Variants in TESK2 observed in about 807,000 individuals in gnomAD.
TESK2 encodes the protein testis associated actin remodelling kinase 2.
Under a neutral mutation model 57.1 loss-of-function variants are expected in TESK2, and 39 were observed. That is an observed-to-expected ratio of 0.68 (90% CI 0.53 to 0.89). The LOEUF is 0.89. Ranked by LOEUF, TESK2 falls within the 40% of genes least tolerant of loss-of-function variation. The pLI, the probability that TESK2 is intolerant of heterozygous loss-of-function variation, is 0.00. For synonymous variants in TESK2, 249 were observed against 267.9 expected (o/e 0.93, Z 0.69); for missense variants, 646 against 732.1 (o/e 0.88, Z 1.36).
intron 2 of TESK2, among the ~76,000 whole-genome samples, chr1:45,443,820 G>A (rs1161667190): frequency 6.6e-6 from 1 of 151,978 alleles, no homozygotes; most frequent in Non-Finnish European, 1.5e-5. Context: ...TCACCTACCG[G>A]TGCACTACAG....
chr1:45,387,337 G>T (rs1648945109), intron 3 of TESK2, among the ~76,000 whole-genome samples: 1 of 151,856 alleles, frequency 6.6e-6, no homozygotes, highest in Non-Finnish European at 1.5e-5. Context: ...CAACCAACAG[G>T]TTATATTTAT....
At chr1:45,387,223 T>C (rs1355100141) in intron 3 of TESK2, among the ~76,000 whole-genome samples, 2 of 152,178 alleles carry the variant, frequency 1.3e-5, no homozygotes, top group African/African-American at 4.8e-5. Flanking sequence ...ATAAACTTGA[T>C]GCTGGTTTCA....
chr1:45,391,742 CTT>C (rs1476627585), intron 3 of TESK2, among the ~76,000 whole-genome samples: 1 of 152,078 alleles, frequency 6.6e-6, no homozygotes. Flanking sequence ...GCATTAATCT[CTT>C]CTCTCTCTCT....
intron 2 of TESK2, among the ~76,000 whole-genome samples, chr1:45,450,925 C>T (rs1360023665): frequency 6.6e-6 from 1 of 152,136 alleles, no homozygotes; most frequent in Non-Finnish European, 1.5e-5. Context: ...GTCTTAGCTT[C>T]CCAAAGTGCT....
chr1:45,356,084 T>C (rs1647408700), intron 4 of TESK2, among the ~76,000 whole-genome samples: 1 of 151,544 alleles, frequency 6.6e-6, no homozygotes, highest in Non-Finnish European at 1.5e-5. Flanking sequence ...GAGTGAAAAA[T>C]ACAGAGAAAG....
chr1:45,392,181 G>A (rs1215515468), intron 3 of TESK2, among the ~76,000 whole-genome samples: 5 of 152,178 alleles, frequency 3.3e-5, no homozygotes, highest in African/African-American at 1.2e-4. Context: ...CGCCTCCCGG[G>A]TTCAAGCAAT....
At chr1:45,379,262 C>T (rs1422808343) in intron 4 of TESK2, among the ~76,000 whole-genome samples, 3 of 152,180 alleles carry the variant, frequency 2.0e-5, no homozygotes, top group African/African-American at 7.2e-5. Flanking sequence ...CCCTCCTGGG[C>T]TCAAGTAATC....
Position 45,481,103 on chromosome 1 carries a change from C to T in TESK2, c.-87+9749G>A, listed in dbSNP as rs529181785. ...ATAAGCGGCCGGGCCTGGTGGCTCA[C>T]GCCTGTAATCCCAGCACTTTGGGAG... On this transcript the variant is annotated intron_variant, in intron 1 of 10. Transcript: ENST00000372086. Among the ~76,000 whole-genome samples the T allele has an allele frequency of 3.3e-5, 5 of 152,160 alleles. No individual in the cohort carries two copies. The East Asian group carries it at 5.8e-4, about 18-fold the overall frequency.
At chr1:45,433,983 TTTG>T (rs565666878) in intron 2 of TESK2, among the ~76,000 whole-genome samples, 25 of 151,874 alleles carry the variant, frequency 1.6e-4, no homozygotes, top group South Asian at 2.1e-4. Flanking sequence ...GGTTTTGGGG[TTTG>T]TTGTTGTTGT....
chr1:45,352,633 C>CT (rs34488000), intron 5 of TESK2, among the ~76,000 whole-genome samples: 6 of 152,172 alleles, frequency 3.9e-5, no homozygotes, highest in Non-Finnish European at 8.8e-5. Flanking sequence ...CTGTGCACTA[C>CT]TTTTTAGTTA....
chr1:45,371,926 G>C (rs750963603), intron 4 of TESK2, among the ~76,000 whole-genome samples: 15 of 151,790 alleles, frequency 9.9e-5, no homozygotes, highest in Non-Finnish European at 1.8e-4. Flanking sequence ...GAAATGAGTA[G>C]TTGTTGTTTA....
chr1:45,357,697 A>G (rs1647494382), intron 4 of TESK2, among the ~76,000 whole-genome samples: 1 of 151,770 alleles, frequency 6.6e-6, no homozygotes, highest in Non-Finnish European at 1.5e-5. Flanking sequence ...AAATACAAAA[A>G]TTGGCCAGGC....
At chr1:45,369,369 T>C (rs9429161) in intron 4 of TESK2, among the ~76,000 whole-genome samples, 53,489 of 151,686 alleles carry the variant, frequency 0.35, 11,029 homozygotes, top group African/African-American at 0.56. Context: ...GGCATGGTGG[T>C]GGGCACCTGT....
intron 4 of TESK2, among the ~76,000 whole-genome samples, chr1:45,374,889 C>T (rs879853521): frequency 5.9e-5 from 9 of 152,168 alleles, no homozygotes; most frequent in Admixed American, 5.9e-4. Context: ...TCAGAGTTAT[C>T]CTTGACTTCT....
intron 1 of TESK2, among the ~76,000 whole-genome samples, chr1:45,470,495 C>T (rs1652716819): frequency 6.6e-6 from 1 of 152,216 alleles, no homozygotes; most frequent in African/African-American, 2.4e-5. Context: ...CATCCCTTAT[C>T]TAATTAACCA....
chr1:45,370,019 T>C (rs1033373773), intron 4 of TESK2, among the ~76,000 whole-genome samples: 1 of 152,092 alleles, frequency 6.6e-6, no homozygotes, highest in Non-Finnish European at 1.5e-5. Context: ...CCAGGGAAGA[T>C]GATTTCTATA....
chr1:45,369,282 C>T (rs1466701738), intron 4 of TESK2, among the ~76,000 whole-genome samples: 1 of 151,738 alleles, frequency 6.6e-6, no homozygotes, highest in Non-Finnish European at 1.5e-5. Context: ...AGGTGGATCA[C>T]GAGGTCAAGA....
intron 1 of TESK2, among the ~76,000 whole-genome samples, chr1:45,480,400 G>A (rs1653169021): frequency 6.7e-6 from 1 of 150,314 alleles, no homozygotes; most frequent in African/African-American, 2.4e-5. Flanking sequence ...GGAGGTTGCA[G>A]TGAGCCAAGA....
At chr1:45,421,924 T>G in intron 2 of TESK2, 78 bp from the exon 3 acceptor site, 1 of 1,484,132 alleles carries the variant, frequency 6.7e-7, no homozygotes, top group African/African-American at 1.4e-5. Context: ...AAATGTACAA[T>G]ATGCCAAGAT....
Sources: allele counts gnomAD v4.1 joint callset (sites outside exome capture counted in the v4.1 genomes callset), GRCh38; gene constraint gnomAD v4.1.1; transcripts MANE v1.5; gene names NCBI Gene and HGNC (gene_info 2026-07-23, HGNC 2026-07-21).